Variants in SPATA13 observed in about 807,000 individuals in gnomAD.
SPATA13 encodes the protein spermatogenesis-associated protein 13.
SPATA13 carries 50 observed loss-of-function variants against 104.0 expected under a neutral mutation model. That is an observed-to-expected ratio of 0.48 (90% CI 0.38 to 0.61). The LOEUF (loss-of-function observed/expected upper bound fraction) is 0.61. SPATA13 is among the 20% of genes least tolerant of loss of function. The pLI, the probability that SPATA13 is intolerant of heterozygous loss-of-function variation, is 0.00. For missense variants in SPATA13, 1,524 were observed against 1,690.6 expected (o/e 0.90, Z 1.73); for synonymous variants, 606 against 667.5 (o/e 0.91, Z 1.42).
intron 2 of SPATA13, among the ~76,000 whole-genome samples, chr13:24,006,456 C>T (rs1290563757): frequency 1.3e-5 from 2 of 152,184 alleles, no homozygotes; most frequent in Non-Finnish European, 2.9e-5. Flanking sequence ...CCAGCATGTC[C>T]CCATTTCATC....
At chr13:24,226,688 T>A (rs1871959647) in intron 2 of SPATA13, among the ~76,000 whole-genome samples, 1 of 152,158 alleles carries the variant, frequency 6.6e-6, no homozygotes, top group Non-Finnish European at 1.5e-5. Flanking sequence ...TTCCCACCCA[T>A]CCCTGGGGAG....
intron 1 of SPATA13, among the ~76,000 whole-genome samples, chr13:24,188,230 A>G (rs1159014230): frequency 6.6e-6 from 1 of 151,946 alleles, no homozygotes; most frequent in African/African-American, 2.4e-5. Flanking sequence ...AGTCCCAGCT[A>G]CTCGGGAGGC....
At chr13:24,212,887 A>C (rs17462267) in intron 1 of SPATA13, among the ~76,000 whole-genome samples, 34,200 of 152,244 alleles carry the variant, frequency 0.22, 4,252 homozygotes, top group South Asian at 0.3. Flanking sequence ...ACCACAGTAA[A>C]CAACAGTCAA....
chr13:24,173,241 C>T (rs1240147061), intron 1 of SPATA13, among the ~76,000 whole-genome samples: 1 of 152,002 alleles, frequency 6.6e-6, no homozygotes, highest in Non-Finnish European at 1.5e-5. Context: ...CCAGGCGTGG[C>T]TAATTTTTTG....
chr13:24,183,516 C>T (rs906004957), intron 1 of SPATA13, among the ~76,000 whole-genome samples: 3 of 152,202 alleles, frequency 2.0e-5, no homozygotes, highest in Non-Finnish European at 4.4e-5. Context: ...CAGCCCACGG[C>T]TCACGGGCCA....
chr13:24,126,295 A>G (rs971590789), intron 3 of SPATA13, among the ~76,000 whole-genome samples: 2 of 152,146 alleles, frequency 1.3e-5, no homozygotes, highest in East Asian at 1.9e-4. Flanking sequence ...CCTAAGGCCA[A>G]TGAAACAGTT....
intron 11 of SPATA13, among the ~76,000 whole-genome samples, chr13:24,297,957 C>T (rs1876911737): frequency 6.6e-6 from 1 of 152,166 alleles, no homozygotes; most frequent in African/African-American, 2.4e-5. Flanking sequence ...CAGTATTTAC[C>T]TTGTGCCAGA....
intron 2 of SPATA13, among the ~76,000 whole-genome samples, chr13:24,241,340 G>T (rs1294538232): frequency 6.6e-6 from 1 of 152,246 alleles, no homozygotes; most frequent in Non-Finnish European, 1.5e-5. Context: ...TAATGACCCT[G>T]TCTGCCCCTT....
chr13:24,122,263 A>T, intron 3 of SPATA13: 1 of 1,332,512 alleles, frequency 7.5e-7, no homozygotes. Context: ...ACCACACAGG[A>T]TTACGATTTT....
At chr13:24,184,216 T>C (rs760432233) in intron 1 of SPATA13, among the ~76,000 whole-genome samples, 21 of 152,328 alleles carry the variant, frequency 1.4e-4, no homozygotes, top group Non-Finnish European at 2.1e-4. Flanking sequence ...GGAAGGTCAG[T>C]GTTAAAATCA....
intron 3 of SPATA13, among the ~76,000 whole-genome samples, chr13:24,131,473 C>T (rs1881387821): frequency 6.6e-6 from 1 of 152,124 alleles, no homozygotes; most frequent in Admixed American, 6.5e-5. Flanking sequence ...CCTCCAAGGG[C>T]ATGGAAATCA....
At chr13:23,980,192 AAAG>A (rs1593253883) in intron 1 of SPATA13, among the ~76,000 whole-genome samples, 1 of 152,256 alleles carries the variant, frequency 6.6e-6, no homozygotes, top group Non-Finnish European at 1.5e-5. Context: ...CTCAAAAAAA[AAAG>A]AAGAAAAGAA....
intron 1 of SPATA13, among the ~76,000 whole-genome samples, chr13:24,222,117 AT>A (rs1301303274): frequency 1.3e-5 from 2 of 152,132 alleles, no homozygotes; most frequent in Non-Finnish European, 2.9e-5. Context: ...CCAACCCTGA[AT>A]TTCTAATATA....
At chr13:24,136,716 TG>T (rs1169272643) in intron 3 of SPATA13, among the ~76,000 whole-genome samples, 1 of 152,248 alleles carries the variant, frequency 6.6e-6, no homozygotes, top group Non-Finnish European at 1.5e-5. Flanking sequence ...AGCACAAGAC[TG>T]GCACATAGTA....
At chr13:24,207,436 A>G (rs965242255) in intron 1 of SPATA13, among the ~76,000 whole-genome samples, 3 of 152,188 alleles carry the variant, frequency 2.0e-5, no homozygotes, top group Non-Finnish European at 2.9e-5. Flanking sequence ...TCTTTTGGGT[A>G]TATCTCCAGA....
intron 2 of SPATA13, among the ~76,000 whole-genome samples, chr13:24,005,035 T>G (rs763334796): frequency 6.6e-6 from 1 of 152,236 alleles, no homozygotes; most frequent in Non-Finnish European, 1.5e-5. Context: ...TCATGACATA[T>G]AGGTTATCTT....
At chr13:24,189,481 C>CTA (rs1393370190) in intron 1 of SPATA13, among the ~76,000 whole-genome samples, 4 of 51,094 alleles carry the variant, frequency 7.8e-5, no homozygotes, top group African/African-American at 1.6e-4. Context: ...CTCTCTCTCT[C>CTA]TCTATATATA....
chr13:23,982,100 G>A lies in SPATA13; in HGVS notation c.-353-1627G>A, dbSNP rs1162267935. Among the ~76,000 whole-genome samples, 4 of 152,244 alleles carry A rather than the reference G, an allele frequency of 2.6e-5. No homozygotes were observed. The South Asian group carries it at 6.2e-4, about 24-fold the overall frequency. On this transcript the variant is annotated intron_variant, in intron 1 of 14. Coordinates refer to the SPATA13 transcript ENST00000424834. ...TTTAAAGTACTGTGTTTAATAAATC[G>A]CTATAGCATTAGATTTGTTTAAAGC...
At position 24,282,062 on chromosome 13, in the gene SPATA13, C is replaced by T. The variant is rs546940439; in HGVS notation, c.2165-2073C>T. ...ATTGTTCTAGTGCCAGACTCCTGGGCTCTATTTACAGAATTGGTTGCTTGT... is the reference window on the plus strand; with the variant it reads ...ATTGTTCTAGTGCCAGACTCCTGGGTTCTATTTACAGAATTGGTTGCTTGT... On this transcript the variant is annotated intron_variant, in intron 4 of 12. Coordinates refer to ENST00000382108, the MANE Select transcript of SPATA13 (RefSeq NM_001166271.3). Among the ~76,000 whole-genome samples the T allele has an allele frequency of 2.6e-4, 39 of 152,124 alleles. No homozygotes were observed. The East Asian group carries it at 7.0e-3, about 27-fold the overall frequency.
Sources: allele counts gnomAD v4.1 joint callset (sites outside exome capture counted in the v4.1 genomes callset), GRCh38; gene constraint gnomAD v4.1.1; transcripts MANE v1.5; gene names NCBI Gene and HGNC (gene_info 2026-07-23, HGNC 2026-07-21).